ERBIN: variants seen among roughly 807,000 people sequenced by gnomAD.
ERBIN encodes the protein erbb2 interacting protein.
A neutral mutation model predicts 158.4 loss-of-function variants in ERBIN; 60 were observed. That is an observed-to-expected ratio of 0.38 (90% CI 0.31 to 0.47). ERBIN has a LOEUF of 0.47. Among genes scored for constraint, ERBIN ranks in the 20% least tolerant of loss-of-function variants. ERBIN has a pLI of 0.99. For synonymous variants in ERBIN, 594 were observed against 557.2 expected, an observed-to-expected ratio of 1.07 and a Z score of -0.93; for missense variants, 1,610 against 1,648.0, an observed-to-expected ratio of 0.98 and a Z score of 0.40.
chr5:66,080,422 TAGA>T lies in ERBIN; in HGVS notation c.*1897_*1899del, dbSNP rs1762334435. 6.6e-6 allele frequency: 1 copy of T among 152,296 alleles called. No individual in the cohort carries two copies. The highest frequency in any genetic ancestry group is 1.5e-5 in the Non-Finnish European group (1 of 67,900). The allele number at this position is 152,296 out of a possible 1,614,324, so 9.4% of individuals were successfully genotyped here. A position where few individuals can be genotyped will look rare whatever the true frequency, so the allele number is the denominator to read the frequency against. ...TAGGAATTGATTTTTATGGATATAG[TAGA>T]AGAAATGTGCTGTATTTTGATAAAA... On this transcript the variant is annotated 3_prime_UTR_variant, in exon 26 of 26. Coordinates refer to ENST00000284037, the MANE Select transcript of ERBIN (RefSeq NM_001253697.2).
At chr5:65,939,812 G>T (rs1237447955) in intron 1 of ERBIN, among the ~76,000 whole-genome samples, 1 of 152,194 alleles carries the variant, frequency 6.6e-6, no homozygotes, top group Non-Finnish European at 1.5e-5. Flanking sequence ...GCCTCCCGAG[G>T]TGCCGGGATT....
chr5:66,019,232 C>G (rs1755427708), intron 7 of ERBIN, among the ~76,000 whole-genome samples: 1 of 151,896 alleles, frequency 6.6e-6, no homozygotes, highest in South Asian at 2.1e-4. Context: ...ACTTTGAGAC[C>G]TCACAAACAA....
chr5:65,930,956 T>C (rs537722404), intron 1 of ERBIN, among the ~76,000 whole-genome samples: 5 of 152,204 alleles, frequency 3.3e-5, no homozygotes, highest in East Asian at 1.9e-4. Flanking sequence ...CCAGACACCA[T>C]TGAATGAAGG....
In ERBIN at chr5:66,081,134, G is replaced by A. The variant is rs1762367462; in HGVS notation, c.*2604G>A. The A allele has an allele frequency of 6.6e-6, 1 of 151,856 alleles. No homozygotes were observed. The highest frequency in any genetic ancestry group is 2.1e-4 in the South Asian group (1 of 4,822). 9.4% of individuals were successfully genotyped at this position (151,856 alleles called of 1,614,324 possible). On this transcript the variant is annotated 3_prime_UTR_variant, in exon 26 of 26. Coordinates refer to ENST00000284037, the MANE Select transcript of ERBIN (RefSeq NM_001253697.2). ...ATAGCAATTCATCAAAACCACAACT[G>A]TCTTTTAGTGATTTTGTCTTTAAGA...
intron 21 of ERBIN, among the ~76,000 whole-genome samples, chr5:66,060,407 G>A (rs979078198): frequency 2.0e-5 from 3 of 152,038 alleles, no homozygotes; most frequent in African/African-American, 7.2e-5. Context: ...ATTTTTTATT[G>A]CGTCTGTTTG....
chr5:66,036,073 G>C (rs931994231), intron 14 of ERBIN, among the ~76,000 whole-genome samples: 2 of 152,156 alleles, frequency 1.3e-5, no homozygotes, highest in Non-Finnish European at 2.9e-5. Context: ...TCCAGCCTGG[G>C]TGACAGAACA....
At chr5:66,055,037 T>C in intron 21 of ERBIN, 86 bp downstream of exon 21, 1 of 1,440,712 alleles carries the variant, frequency 6.9e-7, no homozygotes, top group African/African-American at 1.4e-5. Flanking sequence ...TCTGAATTAC[T>C]GATTATCTCT....
At chr5:66,065,486 TCTTC>T (rs1760876902) in intron 21 of ERBIN, among the ~76,000 whole-genome samples, 4 of 152,192 alleles carry the variant, frequency 2.6e-5, no homozygotes, top group Admixed American at 1.3e-4. Flanking sequence ...TTACCTTTGT[TCTTC>T]CTTTAACCTA....
intron 1 of ERBIN, among the ~76,000 whole-genome samples, chr5:65,948,278 A>T (rs549073976): frequency 4.0e-5 from 6 of 151,544 alleles, no homozygotes; most frequent in Non-Finnish European, 8.8e-5. Context: ...AGGCTCAAGC[A>T]ATCTTCCCGC....
At chr5:66,033,370 G>C (rs765149724) in intron 14 of ERBIN, among the ~76,000 whole-genome samples, 1 of 152,138 alleles carries the variant, frequency 6.6e-6, no homozygotes, top group Non-Finnish European at 1.5e-5. Flanking sequence ...GATGAATCCT[G>C]AGGAACCCCA....
rs59612078 is a variant in ERBIN, at chr5:66,003,356, T to TAA, written c.307+8501_307+8502dup. ...GGATTCATGAGGGTCGCAGAAGGTG[T>TAA]AAAAAAAAAATACAGGATTTGGGCT... On this transcript the variant is annotated intron_variant, in intron 4 of 25. Transcript: ENST00000284037. 6.3e-3 allele frequency among the ~76,000 whole-genome samples: 942 copies of TAA among 149,516 alleles called. 9 individuals are homozygous for TAA. The highest frequency in any genetic ancestry group is 0.022 in the African/African-American group (902 of 40,918).
chr5:65,931,564 G>A (rs950280375), intron 1 of ERBIN, among the ~76,000 whole-genome samples: 1 of 152,140 alleles, frequency 6.6e-6, no homozygotes, highest in African/African-American at 2.4e-5. Context: ...TTGAAAATAA[G>A]CTATTGCATG....
At chr5:65,966,846 GACGGA>G (rs1173582522) in intron 1 of ERBIN, among the ~76,000 whole-genome samples, 1 of 152,118 alleles carries the variant, frequency 6.6e-6, no homozygotes, top group Non-Finnish European at 1.5e-5. Context: ...GGAGGTGGAA[GACGGA>G]TAGTAATGAT....
intron 19 of ERBIN, among the ~76,000 whole-genome samples, chr5:66,049,833 A>C (rs1239869089): frequency 5.3e-5 from 8 of 152,166 alleles, no homozygotes; most frequent in Non-Finnish European, 1.0e-4. Flanking sequence ...TACTTGTTAT[A>C]CTACCTATTA....
At chr5:65,935,746 G>A (rs1744000160) in intron 1 of ERBIN, among the ~76,000 whole-genome samples, 1 of 152,084 alleles carries the variant, frequency 6.6e-6, no homozygotes, top group Non-Finnish European at 1.5e-5. Flanking sequence ...CTTTTTTGGA[G>A]AAGGGTCTCG....
intron 1 of ERBIN, among the ~76,000 whole-genome samples, chr5:65,939,586 A>T (rs1441235249): frequency 1.3e-5 from 2 of 150,274 alleles, no homozygotes; most frequent in African/African-American, 2.5e-5. Flanking sequence ...ACGGTCTCCC[A>T]CTGATGCCGA....
At chr5:65,953,086 A>C in intron 1 of ERBIN, among the ~76,000 whole-genome samples, 1 of 152,206 alleles carries the variant, frequency 6.6e-6, no homozygotes, top group East Asian at 1.9e-4. Context: ...CAAAGTTACC[A>C]TCTGGCTTCT....
intron 4 of ERBIN, among the ~76,000 whole-genome samples, chr5:66,006,249 A>G (rs1454871157): frequency 2.0e-5 from 3 of 152,290 alleles, no homozygotes; most frequent in Non-Finnish European, 4.4e-5. Context: ...CATACCTACA[A>G]CTATCTGATC....
chr5:66,069,295 T>C (rs1268902634), intron 21 of ERBIN, among the ~76,000 whole-genome samples: 2 of 152,234 alleles, frequency 1.3e-5, no homozygotes, highest in Non-Finnish European at 2.9e-5. Flanking sequence ...CAAAAACTAT[T>C]CTTTGTAGTA....
Sources: allele counts gnomAD v4.1 joint callset (sites outside exome capture counted in the v4.1 genomes callset), GRCh38; gene constraint gnomAD v4.1.1; transcripts MANE v1.5; gene names NCBI Gene and HGNC (gene_info 2026-07-23, HGNC 2026-07-21).